SMG6: variants seen among roughly 807,000 people sequenced by gnomAD.
SMG6 encodes SMG6 nonsense mediated mRNA decay factor.
Under a neutral mutation model 142.2 loss-of-function variants are expected in SMG6, and 66 were observed. The observed-to-expected ratio is 0.46, with a 90% CI of 0.38 to 0.57. The LOEUF is 0.57. SMG6 is among the 20% of genes least tolerant of loss of function. SMG6 has a pLI of 0.00. For missense variants in SMG6, 1,793 were observed against 1,832.0 expected (o/e 0.98, Z 0.39); for synonymous variants, 779 against 702.4 (o/e 1.11, Z -1.72).
At chr17:2,290,378 A>T (rs2151391583) in intron 6 of SMG6, among the ~76,000 whole-genome samples, 1 of 152,372 alleles carries the variant, frequency 6.6e-6, no homozygotes, top group Non-Finnish European at 1.5e-5. Flanking sequence ...AGTCATTTCA[A>T]CAAATGGTGC....
chr17:2,074,699 T>C (rs987757121), intron 15 of SMG6, among the ~76,000 whole-genome samples: 3 of 152,224 alleles, frequency 2.0e-5, no homozygotes, highest in Non-Finnish European at 2.9e-5. Flanking sequence ...ATACCTCCCA[T>C]ACCGCCTGTT....
chr17:2,226,711 A>C (rs1274622203), intron 10 of SMG6, among the ~76,000 whole-genome samples: 1 of 152,184 alleles, frequency 6.6e-6, no homozygotes, highest in African/African-American at 2.4e-5. Context: ...CCTTGCCAAC[A>C]TGGTGAAACC....
intron 18 of SMG6, chr17:2,063,332 G>A (rs1220492174): frequency 6.6e-6 from 1 of 152,178 alleles, no homozygotes; most frequent in Non-Finnish European, 1.5e-5. Flanking sequence ...ATTCAACATC[G>A]TTTACACATA....
chr17:2,247,926 T>G (rs2073959474), intron 8 of SMG6, among the ~76,000 whole-genome samples: 1 of 151,438 alleles, frequency 6.6e-6, no homozygotes, highest in South Asian at 2.1e-4. Context: ...ACCCAGTATC[T>G]GTTAAACAAA....
chr17:2,082,094 T>G, intron 14 of SMG6, 138 bp from the exon 15 acceptor site: 1 of 808,998 alleles, frequency 1.2e-6, no homozygotes, highest in Non-Finnish European at 2.0e-6. Context: ...CCCTGGTGTG[T>G]GCTTCCCTCT....
chr17:2,073,229 G>A (rs1029077383), intron 15 of SMG6, among the ~76,000 whole-genome samples: 29 of 151,906 alleles, frequency 1.9e-4, no homozygotes, highest in African/African-American at 1.2e-4. Context: ...GATTACAAGC[G>A]TGAGCCAACA....
rs1432551796 is a variant in SMG6 at position 2,082,529 on chromosome 17, C to T, written c.3535-573G>A. On this transcript the variant is annotated intron_variant, in intron 14 of 18. Transcript: ENST00000263073. ...GCCTGGTGGTGTGAGGACTGCTGGG[C>T]CCCTTTACTGGAATTCACACGACAT... Among the ~76,000 whole-genome samples the T allele has an allele frequency of 4.6e-5, 7 of 152,288 alleles. No individual in the cohort carries two copies. In the East Asian group the frequency reaches 1.2e-3, roughly 25 times the overall value.
intron 8 of SMG6, 72 bp downstream of exon 8, chr17:2,282,575 A>G: frequency 6.8e-7 from 1 of 1,462,048 alleles, no homozygotes; most frequent in Non-Finnish European, 9.6e-7. Context: ...TCTGTGCCTC[A>G]CAGCTGTATG....
intron 13 of SMG6, among the ~76,000 whole-genome samples, chr17:2,111,340 AC>A (rs1299105842): frequency 6.6e-6 from 1 of 152,114 alleles, no homozygotes; most frequent in Non-Finnish European, 1.5e-5. Flanking sequence ...TGAATAGAAG[AC>A]CCTAAGAAAG....
At chr17:2,202,725 A>C (rs750763513) in intron 10 of SMG6, among the ~76,000 whole-genome samples, 1 of 152,210 alleles carries the variant, frequency 6.6e-6, no homozygotes, top group African/African-American at 2.4e-5. Flanking sequence ...ATTTTATCTA[A>C]CACTCAGAAA....
Position 2,298,987 on chromosome 17 carries a change from T to C in SMG6, c.1766A>G (p.Asp589Gly). 1.2e-6 allele frequency: 2 copies of C among 1,614,184 alleles called. No homozygotes were observed. The highest frequency in any genetic ancestry group is 1.1e-5 in the South Asian group (1 of 91,082). The stretch of plus-strand genomic sequence containing the variant: ...GTTGCTGAGCTGCAGTTCCTGGTTG[T>C]CAGCCACCCGGAGAAGCCTGTGCAG... The part of the protein sequence containing the change: ...QELHRLLRVA[D>G]NQELQLSNLL... Residue 589 changes from aspartate to glycine, a missense_variant, in exon 2 of 19, where the codon GAC (aspartate) becomes GGC (glycine). Asp to Gly is a moderately conservative substitution (Grantham distance 94). Around this residue, in one of 3 missense-constraint regions of SMG6, gnomAD observed 1,597 missense variants for 1,584.6 expected, o/e 1.01. Coordinates refer to ENST00000263073, the MANE Select transcript of SMG6 (RefSeq NM_017575.5).
intron 9 of SMG6, among the ~76,000 whole-genome samples, chr17:2,237,795 C>T (rs1405498244): frequency 2.0e-5 from 3 of 152,166 alleles, no homozygotes; most frequent in African/African-American, 7.2e-5. Flanking sequence ...CAGCTGAAGT[C>T]TTCAGAAATA....
chr17:2,159,943 A>T lies in SMG6; in HGVS notation c.3357+12715T>A, dbSNP rs973575500. 1.3e-5 allele frequency among the ~76,000 whole-genome samples: 2 copies of T among 152,320 alleles called. 1 individual carries two copies. The highest frequency in any genetic ancestry group is 3.9e-4 in the East Asian group (2 of 5,178). On this transcript the variant is annotated intron_variant, in intron 13 of 18. Transcript: ENST00000263073. Reference sequence around the variant, plus strand: ...TACTATATGATTCCATGTATATGAAATTTTATAACAGGCAAATCTAATCTA... The same window carrying T: ...TACTATATGATTCCATGTATATGAATTTTTATAACAGGCAAATCTAATCTA...
At chr17:2,268,092 A>T (rs2074463975) in intron 8 of SMG6, among the ~76,000 whole-genome samples, 1 of 151,892 alleles carries the variant, frequency 6.6e-6, no homozygotes, top group Non-Finnish European at 1.5e-5. Context: ...ATTATTAGAG[A>T]CGGCATCTCA....
At position 2,186,696 on chromosome 17, in the gene SMG6, T is replaced by C; in HGVS notation, c.3122A>G (p.Asn1041Ser). 3 of 1,614,140 alleles carry C rather than the reference T, an allele frequency of 1.9e-6. No homozygotes were observed. Among genetic ancestry groups the C allele is most frequent in the Non-Finnish European group, 2.5e-6 (3 of 1,180,024 alleles). Residue 1041 changes from asparagine to serine, a missense_variant, in exon 12 of 19, where the codon AAT becomes AGT. Around this residue, in one of 3 missense-constraint regions of SMG6, gnomAD observed 1,597 missense variants for 1,584.6 expected, o/e 1.01. Coordinates refer to ENST00000263073, the MANE Select transcript of SMG6 (RefSeq NM_017575.5). ...CAGATCCAGGGATGTGGGAGGAGGATTCCAGGTGTCCGGGTAGCCGAGCAT... is the reference window on the plus strand; with the variant it reads ...CAGATCCAGGGATGTGGGAGGAGGACTCCAGGTGTCCGGGTAGCCGAGCAT... ...DWMLGYPDTWNPPPTSLDLPS... is the reference protein window; with the variant it reads ...DWMLGYPDTWSPPPTSLDLPS...
rs560770838 is a variant in SMG6 at position 2,226,274 on chromosome 17, T to A, written c.2869+10218A>T. On this transcript the variant is annotated intron_variant, in intron 10 of 18. Coordinates refer to ENST00000263073, the MANE Select transcript of SMG6 (RefSeq NM_017575.5). ...TAGGAAACAAGAGTGAAACTCCGTCTCAAAAAAAAAAGAAAAAAGAAAAAA... is the reference window on the plus strand; with the variant it reads ...TAGGAAACAAGAGTGAAACTCCGTCACAAAAAAAAAAGAAAAAAGAAAAAA... 4.4e-4 allele frequency among the ~76,000 whole-genome samples: 25 copies of A among 56,656 alleles called. No homozygotes were observed. In the South Asian group the frequency reaches 0.011, roughly 24 times the overall value. 37.2% of individuals were successfully genotyped at this position (56,656 alleles called of 152,430 possible).
intron 10 of SMG6, among the ~76,000 whole-genome samples, chr17:2,189,900 C>T (rs2072107916): frequency 6.6e-6 from 1 of 152,180 alleles, no homozygotes; most frequent in Non-Finnish European, 1.5e-5. Context: ...CAGATGCCCA[C>T]TGGTCCCAGA....
intron 10 of SMG6, 150 bp downstream of exon 10, chr17:2,236,342 T>C (rs1164917243): frequency 3.1e-6 from 2 of 651,424 alleles, no homozygotes; most frequent in Non-Finnish European, 2.4e-6. Context: ...ACTAAATATC[T>C]GAGACAATGG....
intron 13 of SMG6, among the ~76,000 whole-genome samples, chr17:2,106,007 C>A (rs1353693759): frequency 6.6e-6 from 1 of 152,202 alleles, no homozygotes; most frequent in Non-Finnish European, 1.5e-5. Context: ...ACAAATCTGT[C>A]AATCCAAGTA....
Sources: gnomAD v4.1 joint callset for allele counts (sites outside exome capture counted in the v4.1 genomes callset) on GRCh38, gnomAD v4.1.1 for gene constraint, gnomAD v4.1.1 regional missense constraint, MANE v1.5 for transcripts, NCBI Gene and HGNC (gene_info 2026-07-23, HGNC 2026-07-21) for gene names.